The following FRMPD2 variants were observed in gnomAD, a reference collection of about 807,000 sequenced individuals.
FRMPD2 encodes the protein FERM and PDZ domain-containing protein 2.
A neutral mutation model predicts 140.1 loss-of-function variants in FRMPD2; 96 were observed. The ratio of observed to expected loss-of-function variants is 0.69; its 90% confidence interval spans 0.58 to 0.81. The LOEUF is 0.81. Among genes scored for constraint, FRMPD2 ranks in the 40% least tolerant of loss-of-function variants. FRMPD2 has a pLI of 0.00. For synonymous variants in FRMPD2, 449 were observed against 547.6 expected (o/e 0.82, Z 2.52); for missense variants, 1,240 against 1,447.4 (o/e 0.86, Z 2.32).
chr10:48,253,841 C>A (rs1840437156), intron 1 of FRMPD2, among the ~76,000 whole-genome samples: 1 of 152,004 alleles, frequency 6.6e-6, no homozygotes, highest in African/African-American at 2.4e-5. Flanking sequence ...ACCCTTTTTT[C>A]TCCTATCAGA....
At chr10:48,255,671 G>A (rs867419127) in intron 1 of FRMPD2, among the ~76,000 whole-genome samples, 2 of 152,190 alleles carry the variant, frequency 1.3e-5, no homozygotes, top group African/African-American at 4.8e-5. Context: ...GTAAGAATAG[G>A]CAATGCATGA....
chr10:48,215,952 C>A (rs552104660), intron 12 of FRMPD2, among the ~76,000 whole-genome samples: 12 of 152,328 alleles, frequency 7.9e-5, no homozygotes, highest in African/African-American at 2.9e-4. Flanking sequence ...CTGAGTAAAG[C>A]AGATGGCCCT....
At chr10:48,186,828 G>T (rs1319974852) in intron 17 of FRMPD2, among the ~76,000 whole-genome samples, 1 of 152,170 alleles carries the variant, frequency 6.6e-6, no homozygotes, top group African/African-American at 2.4e-5. Flanking sequence ...TGAAGGGACT[G>T]CCATCTACTC....
chr10:48,237,963 G>A, intron 8 of FRMPD2, 28 bp downstream of exon 8: 1 of 1,613,908 alleles, frequency 6.2e-7, no homozygotes, highest in Non-Finnish European at 8.5e-7. Flanking sequence ...CCTCCTTGAG[G>A]AGTGTCCTTC....
At chr10:48,260,471 T>G (rs1273295376) in intron 1 of FRMPD2, among the ~76,000 whole-genome samples, 2 of 152,180 alleles carry the variant, frequency 1.3e-5, no homozygotes, top group Non-Finnish European at 2.9e-5. Context: ...ATTACAGCCC[T>G]GAATAGATTA....
chr10:48,271,047 T>G (rs1467742406), intron 1 of FRMPD2, among the ~76,000 whole-genome samples: 1 of 152,230 alleles, frequency 6.6e-6, no homozygotes, highest in African/African-American at 2.4e-5. Context: ...TCACACCTCG[T>G]GAAAACTTTC....
At chr10:48,259,958 CA>C (rs1840552709) in intron 1 of FRMPD2, among the ~76,000 whole-genome samples, 1 of 151,878 alleles carries the variant, frequency 6.6e-6, no homozygotes, top group Admixed American at 6.6e-5. Context: ...TAGGGTTCTC[CA>C]GAAAGACAGA....
At chr10:48,271,948 A>G (rs1840775656) in intron 1 of FRMPD2, among the ~76,000 whole-genome samples, 2 of 152,212 alleles carry the variant, frequency 1.3e-5, no homozygotes, top group Non-Finnish European at 2.9e-5. Context: ...AGCTATTCAT[A>G]TTATGAATCC....
In FRMPD2 at chr10:48,168,639, G is replaced by A. The variant is rs552212570; in HGVS notation, c.3493C>T (p.Arg1165Ter). The A allele has an allele frequency of 7.2e-6, 8 of 1,116,240 alleles. 2 individuals are homozygous for A. In the East Asian group the frequency reaches 8.6e-5, roughly 12 times the overall value. The allele number at this position is 1,116,240 out of a possible 1,614,324, so 69.1% of individuals were successfully genotyped here. A position where few individuals can be genotyped will look rare whatever the true frequency, so the allele number is the denominator to read the frequency against. ...APQEVTLLLC[R>*]PPPGALPELE... is the part of the protein sequence containing the mutation. ...TCAGGCAGCGCACCTGGAGGGGGTCGGCAAAGGAGGAGCGTGACTTCCTGT... is the reference window on the plus strand; with the variant it reads ...TCAGGCAGCGCACCTGGAGGGGGTCAGCAAAGGAGGAGCGTGACTTCCTGT... The change falls in exon 27 of 29, where the codon CGA (arginine) becomes TGA (stop). Residue 1165 changes from arginine (R) to a stop codon, truncating the protein, a stop_gained. Coordinates refer to ENST00000374201, the MANE Select transcript of FRMPD2 (RefSeq NM_001018071.4). LOFTEE classifies it high-confidence loss of function.
At chr10:48,176,103 T>G in intron 22 of FRMPD2, 164 bp from the exon 23 acceptor site, 1 of 623,892 alleles carries the variant, frequency 1.6e-6, no homozygotes, top group Non-Finnish European at 3.0e-6. Context: ...GATTGTATTC[T>G]CCACTGAGCA....
chr10:48,244,915 A>T, intron 3 of FRMPD2, 66 bp from the exon 4 acceptor site: 1 of 1,206,828 alleles, frequency 8.3e-7, no homozygotes, highest in Non-Finnish European at 1.2e-6. Flanking sequence ...TCTGCAAGAA[A>T]AATACAATCC....
rs933710646 is a variant in FRMPD2, at chr10:48,235,588, G to C, written c.993+894C>G. On this transcript the variant is annotated intron_variant, in intron 9 of 28. Coordinates refer to ENST00000374201, the MANE Select transcript of FRMPD2 (RefSeq NM_001018071.4). ...TGGAGGGCGATGCAGGAGCCTGGGA[G>C]GGGAGAGCCTCTAGCCATGCCCCAC... Among the ~76,000 whole-genome samples the C allele has an allele frequency of 2.6e-5, 4 of 152,212 alleles. No individual in the cohort carries two copies. In the East Asian group the frequency reaches 7.7e-4, roughly 29 times the overall value.
Position 48,201,384 on chromosome 10 carries a change from G to T in FRMPD2, c.1798C>A (p.Gln600Lys), listed in dbSNP as rs764058839. 2.1e-5 allele frequency: 34 copies of T among 1,612,970 alleles called. No homozygotes were observed. The highest frequency in any genetic ancestry group is 2.9e-5 in the Non-Finnish European group (34 of 1,179,452). Reference sequence around the variant, plus strand: ...CTGCTTGTGATGGTGAACTTTTTTTGCTGAAGGAAGCAAACACAGACTTTA... The same window carrying T: ...CTGCTTGTGATGGTGAACTTTTTTTTCTGAAGGAAGCAAACACAGACTTTA... ...WRETGKISTY[Q>K]KKFTITSSVT... Residue 600 changes from glutamine to lysine, a missense_variant and splice_region_variant, in exon 15 of 29, where the codon CAA becomes AAA. Gln to Lys is a moderately conservative substitution (Grantham distance 53). Coordinates refer to ENST00000374201, the MANE Select transcript of FRMPD2 (RefSeq NM_001018071.4).
At chr10:48,249,978 G>T (rs535213216) in intron 2 of FRMPD2, among the ~76,000 whole-genome samples, 6 of 152,258 alleles carry the variant, frequency 3.9e-5, no homozygotes, top group African/African-American at 1.4e-4. Context: ...CAAGTGTGAG[G>T]CCACCTGGAG....
intron 9 of FRMPD2, among the ~76,000 whole-genome samples, chr10:48,235,880 G>C (rs1485538040): frequency 6.6e-6 from 1 of 152,030 alleles, no homozygotes; most frequent in Non-Finnish European, 1.5e-5. Flanking sequence ...GGCAGGGAAG[G>C]GACAGCCCAC....
intron 15 of FRMPD2, among the ~76,000 whole-genome samples, chr10:48,196,314 C>T (rs1384009214): frequency 6.6e-6 from 1 of 152,162 alleles, no homozygotes; most frequent in Non-Finnish European, 1.5e-5. Flanking sequence ...GAGCCATTAA[C>T]AAGTTTTCAG....
chr10:48,180,469 C>T (rs1322495429), intron 21 of FRMPD2, among the ~76,000 whole-genome samples: 1 of 152,182 alleles, frequency 6.6e-6, no homozygotes, highest in Non-Finnish European at 1.5e-5. Flanking sequence ...TGGTTGCCCA[C>T]GCCTTGCCAT....
intron 16 of FRMPD2, 30 bp from the exon 17 acceptor site, chr10:48,187,322 A>C: frequency 6.3e-7 from 1 of 1,599,610 alleles, no homozygotes; most frequent in Non-Finnish European, 8.6e-7. Flanking sequence ...AGGTTAGATA[A>C]GGTGGCCCAC....
At chr10:48,231,349 A>G (rs1002979763) in intron 10 of FRMPD2, among the ~76,000 whole-genome samples, 2 of 152,202 alleles carry the variant, frequency 1.3e-5, no homozygotes, top group Non-Finnish European at 2.9e-5. Context: ...TACATGAGTC[A>G]CACAAGGACA....
Sources: allele counts gnomAD v4.1 joint callset (sites outside exome capture counted in the v4.1 genomes callset), GRCh38; gene constraint gnomAD v4.1.1; transcripts MANE v1.5; gene names NCBI Gene and HGNC (gene_info 2026-07-23, HGNC 2026-07-21).